BRIP1: variants seen among roughly 807,000 people sequenced by gnomAD.
BRIP1 encodes Fanconi anemia group J protein.
A neutral mutation model predicts 119.7 loss-of-function variants in BRIP1; 88 were observed. The observed-to-expected ratio is 0.74, with a 90% CI of 0.62 to 0.88. The LOEUF (loss-of-function observed/expected upper bound fraction) is 0.88, where lower values mean the gene tolerates loss of function less well. Among genes scored for constraint, BRIP1 ranks in the 40% least tolerant of loss-of-function variants. The pLI is 0.00. For missense variants in BRIP1, 1,259 were observed against 1,455.4 expected (o/e 0.87, Z 2.20); for synonymous variants, 443 against 496.5 (o/e 0.89, Z 1.43).
rs2061312881 is a variant in BRIP1 at position 61,683,755 on chromosome 17, T to C, written c.3291A>G (p.Glu1097=). Residue 1097 remains glutamate (E), a synonymous_variant, in exon 20 of 20, where the codon GAA becomes GAG. Transcript: ENST00000259008. The surrounding 1 kb of genome is among the most constrained non-coding windows in gnomAD (Gnocchi z 4.7). ...NHSEHPLCSE[E]ALDPDIELSL... ...ACAATTCAATGTCTGGATCCAGGGC[T>C]TCTTCAGAACAGAGCGGATGTTCAG... The C allele has an allele frequency of 6.2e-7, 1 of 1,614,204 alleles. No individual in the cohort carries two copies.
In BRIP1 at chr17:61,690,828, A is replaced by G. The variant is rs1216361775; in HGVS notation, c.2575+2602T>C. ...AAAAAAAACCTGTTAGGACTAATAA[A>G]TCCAGTAAAGTTGCAGAATACAAAA... On this transcript the variant is annotated intron_variant, in intron 18 of 19. Coordinates refer to ENST00000259008, the MANE Select transcript of BRIP1 (RefSeq NM_032043.3). The surrounding 1 kb of genome is among the most constrained non-coding windows in gnomAD (Gnocchi z 5.6). Among the ~76,000 whole-genome samples the G allele has an allele frequency of 6.6e-6, 1 of 152,214 alleles. No homozygotes were observed. Among genetic ancestry groups the G allele is most frequent in the African/African-American group, 2.4e-5 (1 of 41,464 alleles).
chr17:61,787,415 A>T (rs1236791557), intron 10 of BRIP1, among the ~76,000 whole-genome samples: 8 of 124,534 alleles, frequency 6.4e-5, no homozygotes, highest in Admixed American at 1.8e-4. Flanking sequence ...TAAAATATTT[A>T]TATAAAATAT....
In BRIP1 at chr17:61,722,936, G is replaced by A. The variant is rs1008461292; in HGVS notation, c.2380-6873C>T. On this transcript the variant is annotated intron_variant, in intron 16 of 19. Transcript: ENST00000259008. The surrounding 1 kb of genome is among the most constrained non-coding windows in gnomAD (Gnocchi z 4.6). The stretch of plus-strand genomic sequence containing the variant: ...ATAAAAAGTTTAAAAACCTACAAAA[G>A]AACAAAAAACTCCCAAACAAAAAAC... 3.3e-5 allele frequency among the ~76,000 whole-genome samples: 5 copies of A among 151,654 alleles called. No individual in the cohort carries two copies. Among genetic ancestry groups the A allele is most frequent in the Admixed American group, 1.3e-4 (2 of 15,222 alleles).
At chr17:61,838,410 G>A (rs1484043231) in intron 6 of BRIP1, among the ~76,000 whole-genome samples, 1 of 151,916 alleles carries the variant, frequency 6.6e-6, no homozygotes, top group Admixed American at 6.6e-5. Flanking sequence ...GCTGGGTGTG[G>A]TGACGGGCGC....
chr17:61,826,404 T>C (rs1465822689), intron 6 of BRIP1, among the ~76,000 whole-genome samples: 1 of 151,866 alleles, frequency 6.6e-6, no homozygotes, highest in Admixed American at 6.6e-5. Flanking sequence ...TGACACCCAA[T>C]AAAATTAAAG....
chr17:61,716,805 A>C (rs2061878588), intron 16 of BRIP1, among the ~76,000 whole-genome samples: 3 of 151,018 alleles, frequency 2.0e-5, no homozygotes, highest in Non-Finnish European at 3.0e-5. Context: ...TGGAAATAAT[A>C]TGCTTCCATA....
rs891474072 is a variant in BRIP1 at position 61,735,725 on chromosome 17, C to T, written c.2379+7288G>A. On this transcript the variant is annotated intron_variant, in intron 16 of 19. Coordinates refer to ENST00000259008, the MANE Select transcript of BRIP1 (RefSeq NM_032043.3). This position sits in a 1 kb window ranked among gnomAD's most constrained non-coding sequence, Gnocchi z 4.4. ...CTGAGGTGGGAGGATCACCTGAGCC[C>T]GAGAGGCCAAGGCTGCAGTGACCCA... Among the ~76,000 whole-genome samples, 11 of 151,952 alleles carry T rather than the reference C, an allele frequency of 7.2e-5. No homozygotes were observed. In the South Asian group the frequency reaches 1.2e-3, roughly 17 times the overall value.
At chr17:61,836,055 T>C (rs2078567526) in intron 6 of BRIP1, among the ~76,000 whole-genome samples, 2 of 152,038 alleles carry the variant, frequency 1.3e-5, no homozygotes, top group Admixed American at 6.6e-5. Flanking sequence ...TTTTAATTTT[T>C]ATTCTGTATT....
intron 10 of BRIP1, among the ~76,000 whole-genome samples, chr17:61,791,824 T>TAA (rs1226527974): frequency 2.0e-5 from 3 of 152,150 alleles, no homozygotes; most frequent in East Asian, 1.9e-4. Context: ...CATATATATA[T>TAA]AATGAAATAT....
chr17:61,773,516 C>G (rs1358524426), intron 14 of BRIP1, among the ~76,000 whole-genome samples: 1 of 152,112 alleles, frequency 6.6e-6, no homozygotes, highest in Non-Finnish European at 1.5e-5. Flanking sequence ...GACTTCATGA[C>G]TAAAACGCCA....
Position 61,751,624 on chromosome 17 carries a change from T to C in BRIP1, c.2098-7033A>G, listed in dbSNP as rs2077132129. Among the ~76,000 whole-genome samples the C allele has an allele frequency of 6.6e-6, 1 of 152,176 alleles. No individual in the cohort carries two copies. Among genetic ancestry groups the C allele is most frequent in the East Asian group, 1.9e-4 (1 of 5,192 alleles). ...AAACTTCTAGATGTTGAGTAAAAAA[T>C]GCAAATACAGATAGATAACAAATAT... On this transcript the variant is annotated intron_variant, in intron 14 of 19. Coordinates refer to ENST00000259008, the MANE Select transcript of BRIP1 (RefSeq NM_032043.3). The surrounding 1 kb of genome is among the most constrained non-coding windows in gnomAD (Gnocchi z 6.7).
Position 61,765,423 on chromosome 17 carries a change from A to ATTT in BRIP1, c.2097+10975_2097+10977dup, listed in dbSNP as rs1158741814. Among the ~76,000 whole-genome samples the ATTT allele has an allele frequency of 2.8e-3, 23 of 8,236 alleles. 5 individuals are homozygous for ATTT. Among genetic ancestry groups the ATTT allele is most frequent in the Non-Finnish European group, 3.2e-3 (19 of 5,896 alleles). The allele number at this position is 8,236 out of a possible 152,430, so 5.4% of individuals were successfully genotyped here. On this transcript the variant is annotated intron_variant, in intron 14 of 19. Coordinates refer to ENST00000259008, the MANE Select transcript of BRIP1 (RefSeq NM_032043.3). ...TATATATATATATATATATATATAT[A>ATTT]TTTTTTTTTTTTTTTTTTTTTTTTT... is the stretch of plus-strand genomic sequence containing the variant.
At chr17:61,811,395 G>T (rs747505667) in intron 6 of BRIP1, among the ~76,000 whole-genome samples, 2 of 151,428 alleles carry the variant, frequency 1.3e-5, no homozygotes, top group Non-Finnish European at 2.9e-5. Context: ...GGCTAATGTT[G>T]TGTTTTTATT....
rs1409549308 is a variant in BRIP1, at chr17:61,742,409, T to C, written c.2379+604A>G. ...CCTTTGCATTCACAATATGGCTAATTGGTTGGTGCAAGAGGCCTAGCTTTT... is the reference window on the plus strand; with the variant it reads ...CCTTTGCATTCACAATATGGCTAATCGGTTGGTGCAAGAGGCCTAGCTTTT... On this transcript the variant is annotated intron_variant, in intron 16 of 19. Coordinates refer to ENST00000259008, the MANE Select transcript of BRIP1 (RefSeq NM_032043.3). The surrounding 1 kb of genome is among the most constrained non-coding windows in gnomAD (Gnocchi z 4.7). Among the ~76,000 whole-genome samples the C allele has an allele frequency of 2.0e-5, 3 of 152,338 alleles. No homozygotes were observed. The highest frequency in any genetic ancestry group is 4.4e-5 in the Non-Finnish European group (3 of 68,036).
At chr17:61,787,919 C>T (rs2077758135) in intron 10 of BRIP1, among the ~76,000 whole-genome samples, 1 of 152,198 alleles carries the variant, frequency 6.6e-6, no homozygotes, top group Admixed American at 6.5e-5. Context: ...GCTGGGATTA[C>T]AGGCGTGAGC....
intron 6 of BRIP1, among the ~76,000 whole-genome samples, chr17:61,838,303 G>A (rs934717218): frequency 5.3e-5 from 8 of 151,912 alleles, no homozygotes; most frequent in Non-Finnish European, 1.0e-4. Flanking sequence ...CTCGTGATCC[G>A]CCCGCCTCAG....
chr17:61,811,297 T>C (rs1297643520), intron 6 of BRIP1, among the ~76,000 whole-genome samples: 1 of 152,082 alleles, frequency 6.6e-6, no homozygotes, highest in East Asian at 1.9e-4. Context: ...TGATCTCGGC[T>C]TACCACAACT....
At position 61,780,924 on chromosome 17, in the gene BRIP1, C is replaced by T. The variant is rs370087045; in HGVS notation, c.1710G>A (p.Leu570=). The T allele has an allele frequency of 1.9e-6, 3 of 1,613,964 alleles. No homozygotes were observed. Among genetic ancestry groups the T allele is most frequent in the African/African-American group, 1.3e-5 (1 of 74,918 alleles). ...NQIDISDKNG[L]LVLPKNKKRS... ...GTTTCTTATTTTTTGGTAGAACCAA[C>T]AACCCATTTTTGTCTGAAATATCAA... The change falls in exon 12 of 20, where the codon TTG becomes TTA. Residue 570 remains leucine (L), a synonymous_variant. Transcript: ENST00000259008. This position sits in a 1 kb window ranked among gnomAD's most constrained non-coding sequence, Gnocchi z 5.4.
rs2144697372 is a variant in BRIP1 at position 61,744,491 on chromosome 17, GT to G, written c.2197del (p.Thr733GlnfsTer26). 6.2e-7 allele frequency: 1 copy of G among 1,613,850 alleles called. No individual in the cohort carries two copies. The highest frequency in any genetic ancestry group is 8.5e-7 in the Non-Finnish European group (1 of 1,179,894). Reference sequence around the variant, plus strand: ...CACCTGCAGTAATTCATCAAAATTTGTTTTTTCTCCTCCCTGTGGTTCTACA... The same window carrying G: ...CACCTGCAGTAATTCATCAAAATTTGTTTTTCTCCTCCCTGTGGTTCTACA... ...VIVEPQGGEKTNFDELLQVYY... is the reference protein window; with the variant it reads ...VIVEPQGGEKXNFDELLQVYY... On this transcript the variant is annotated frameshift_variant, in exon 15 of 20. Transcript: ENST00000259008. LOFTEE classifies it high-confidence loss of function. The surrounding 1 kb of genome is among the most constrained non-coding windows in gnomAD (Gnocchi z 5.0).
Sources: allele counts gnomAD v4.1 joint callset (sites outside exome capture counted in the v4.1 genomes callset), GRCh38; gene constraint gnomAD v4.1.1; non-coding constraint Gnocchi (gnomAD v3.1); transcripts MANE v1.5; gene names NCBI Gene and HGNC (gene_info 2026-07-23, HGNC 2026-07-21).